Variants in EPHA4 observed in about 807,000 individuals in gnomAD.
EPHA4 encodes ephrin type-A receptor 4.
Under a neutral mutation model 108.3 loss-of-function variants are expected in EPHA4, and 19 were observed. The observed-to-expected ratio is 0.18, with a 90% CI of 0.12 to 0.26. EPHA4 has a LOEUF of 0.26. EPHA4 is among the 10% of genes least tolerant of loss of function. The pLI, the probability that EPHA4 is intolerant of heterozygous loss-of-function variation, is 1.00. For missense variants in EPHA4, 917 were observed against 1,254.0 expected, an observed-to-expected ratio of 0.73 and a Z score of 4.06; for synonymous variants, 449 against 455.5, an observed-to-expected ratio of 0.99 and a Z score of 0.18.
At chr2:221,532,602 A>G (rs1442813749) in intron 3 of EPHA4, 1 of 152,250 alleles carries the variant, frequency 6.6e-6, no homozygotes, top group Non-Finnish European at 1.5e-5. Flanking sequence ...CCAACATTTT[A>G]GAACCCAGAA....
In EPHA4 at chr2:221,499,756, A is replaced by AT. The variant is rs575017779; in HGVS notation, c.979+1260dup. Among the ~76,000 whole-genome samples the AT allele has an allele frequency of 2.4e-3, 63 of 26,230 alleles. 1 individual carries two copies. The highest frequency in any genetic ancestry group is 4.3e-3 in the African/African-American group (27 of 6,302). 17.2% of individuals were successfully genotyped at this position (26,230 alleles called of 152,430 possible). ...TATATATATATATATATATATATAT[A>AT]TTTTTTTTTTTTTTTTTTGAGACAG... is the stretch of plus-strand genomic sequence containing the variant. On this transcript the variant is annotated intron_variant, in intron 4 of 17. Coordinates refer to ENST00000281821, the MANE Select transcript of EPHA4 (RefSeq NM_004438.5).
intron 5 of EPHA4, among the ~76,000 whole-genome samples, chr2:221,472,790 G>A (rs900229625): frequency 2.0e-5 from 3 of 152,110 alleles, no homozygotes; most frequent in Non-Finnish European, 4.4e-5. Context: ...TACACATAAA[G>A]TATTTTAGAT....
At chr2:221,503,145 C>T (rs868603212) in intron 3 of EPHA4, among the ~76,000 whole-genome samples, 3 of 152,162 alleles carry the variant, frequency 2.0e-5, no homozygotes, top group Non-Finnish European at 4.4e-5. Context: ...CTCAGTCAGT[C>T]GCAGTCGACA....
intron 4 of EPHA4, among the ~76,000 whole-genome samples, chr2:221,483,397 G>C (rs538258244): frequency 6.6e-6 from 1 of 151,940 alleles, no homozygotes; most frequent in South Asian, 2.1e-4. Flanking sequence ...TTATGAAACA[G>C]AACAACTGAT....
chr2:221,432,303 C>T (rs6436263), intron 14 of EPHA4, among the ~76,000 whole-genome samples: 4,839 of 152,206 alleles, frequency 0.032, 269 homozygotes, highest in African/African-American at 0.11. Context: ...CGAATAATTA[C>T]AGTAACTACA....
intron 1 of EPHA4, 48 bp downstream of exon 1, chr2:221,572,110 G>A (rs1413067050): frequency 6.6e-7 from 1 of 1,525,024 alleles, no homozygotes; most frequent in South Asian, 1.1e-5. Context: ...CCTCACCCGC[G>A]ATGGCCCCTC....
intron 14 of EPHA4, among the ~76,000 whole-genome samples, chr2:221,433,744 T>G (rs1308792623): frequency 1.3e-5 from 2 of 152,232 alleles, no homozygotes; most frequent in Admixed American, 1.3e-4. Context: ...TTTAAAATAT[T>G]CACTAGTTTT....
chr2:221,561,806 T>C (rs1462690096), intron 3 of EPHA4, among the ~76,000 whole-genome samples: 1 of 152,228 alleles, frequency 6.6e-6, no homozygotes, highest in Non-Finnish European at 1.5e-5. Context: ...ATCAATGACA[T>C]TAGATACACG....
intron 3 of EPHA4, among the ~76,000 whole-genome samples, chr2:221,518,474 A>G (rs1281684214): frequency 6.6e-6 from 1 of 152,186 alleles, no homozygotes; most frequent in Non-Finnish European, 1.5e-5. Flanking sequence ...CCTGTTTACT[A>G]TTACATCTCT....
At chr2:221,474,431 A>C (rs1194412926) in intron 5 of EPHA4, among the ~76,000 whole-genome samples, 1 of 151,804 alleles carries the variant, frequency 6.6e-6, no homozygotes, top group Non-Finnish European at 1.5e-5. Context: ...TTAAAAAAAA[A>C]AAAAAAAGTA....
chr2:221,467,749 A>G (rs558301917), intron 5 of EPHA4, among the ~76,000 whole-genome samples: 1 of 152,318 alleles, frequency 6.6e-6, no homozygotes, highest in South Asian at 2.1e-4. Flanking sequence ...CTGCAGTTCA[A>G]GTGTGTCCTG....
At chr2:221,508,226 GAGA>G (rs1420886238) in intron 3 of EPHA4, among the ~76,000 whole-genome samples, 1 of 152,168 alleles carries the variant, frequency 6.6e-6, no homozygotes, top group African/African-American at 2.4e-5. Flanking sequence ...TCATTATCAG[GAGA>G]AGAATAATTG....
Position 221,572,147 on chromosome 2 carries a change from C to G in EPHA4, c.91+11G>C, listed in dbSNP as rs760087313. ...CTGTCCCCGACCACAGAAAGGCCGT[C>G]CCGCTCTTACCTTCATTCGCGGGGT... On this transcript the variant is annotated intron_variant, in intron 1 of 17. Coordinates refer to ENST00000281821, the MANE Select transcript of EPHA4 (RefSeq NM_004438.5). The G allele has an allele frequency of 8.7e-6, 14 of 1,612,516 alleles. No individual in the cohort carries two copies. In the African/African-American group the frequency reaches 1.5e-4, roughly 17 times the overall value.
intron 4 of EPHA4, among the ~76,000 whole-genome samples, chr2:221,499,748 ATATATATATTTTTTT>A (rs1221621636): frequency 4.4e-5 from 2 of 44,972 alleles, no homozygotes; most frequent in African/African-American, 2.4e-4. Flanking sequence ...ATATATATAT[ATATATATATTTTTTT>A]TTTTTTTTTT....
chr2:221,445,519 G>A (rs1262517030), intron 9 of EPHA4, among the ~76,000 whole-genome samples: 2 of 150,804 alleles, frequency 1.3e-5, no homozygotes, highest in East Asian at 2.0e-4. Context: ...GAACCAGGGA[G>A]GCGGAGCTTG....
At chr2:221,451,800 A>G (rs1690793508) in intron 8 of EPHA4, among the ~76,000 whole-genome samples, 1 of 152,204 alleles carries the variant, frequency 6.6e-6, no homozygotes, top group African/African-American at 2.4e-5. Context: ...CTAGTATAAC[A>G]TCTCATTTTA....
chr2:221,492,511 C>T (rs1376126070), intron 4 of EPHA4, among the ~76,000 whole-genome samples: 1 of 152,096 alleles, frequency 6.6e-6, no homozygotes, highest in Non-Finnish European at 1.5e-5. Flanking sequence ...TGATCTTTCT[C>T]CCTTTATCTT....
intron 15 of EPHA4, 107 bp from the exon 16 acceptor site, chr2:221,426,726 G>T: frequency 1.9e-6 from 2 of 1,039,354 alleles, no homozygotes; most frequent in Non-Finnish European, 2.8e-6. Flanking sequence ...AAAGCTAAGG[G>T]AAGGTTTTAA....
intron 4 of EPHA4, among the ~76,000 whole-genome samples, chr2:221,486,953 T>C (rs2106145494): frequency 6.6e-6 from 1 of 152,238 alleles, no homozygotes; most frequent in South Asian, 2.1e-4. Context: ...AAAGCTGTAC[T>C]AGTCAACTTT....
Sources: allele counts gnomAD v4.1 joint callset (sites outside exome capture counted in the v4.1 genomes callset), GRCh38; gene constraint gnomAD v4.1.1; transcripts MANE v1.5; gene names NCBI Gene and HGNC (gene_info 2026-07-23, HGNC 2026-07-21).